Variants in IFT74 observed in about 807,000 individuals in gnomAD.
IFT74 encodes the protein intraflagellar transport 74, also known as intraflagellar transport protein 74 homolog.
In IFT74, 92 loss-of-function variants were observed where a neutral mutation model predicts 96.7. The ratio of observed to expected loss-of-function variants is 0.95; its 90% CI spans 0.80 to 1.13. IFT74 has a LOEUF of 1.13. Among genes scored for constraint, IFT74 ranks in the 50% most tolerant of loss-of-function variants. The probability of loss-of-function intolerance (pLI) is 0.00; values close to 1 mark genes in which losing one functional copy is unlikely to be tolerated. For synonymous variants in IFT74, 223 were observed against 213.2 expected (o/e 1.05, Z -0.40); for missense variants, 811 against 698.2 (o/e 1.16, Z -1.82).
intron 13 of IFT74, among the ~76,000 whole-genome samples, chr9:27,040,276 T>G (rs1819403837): frequency 6.6e-6 from 1 of 151,954 alleles, no homozygotes; most frequent in Non-Finnish European, 1.5e-5. Flanking sequence ...TGAGGCCAGG[T>G]GCAGTGGCTC....
intron 8 of IFT74, chr9:26,995,081 A>G (rs1828071584): frequency 6.6e-6 from 1 of 152,564 alleles, no homozygotes; most frequent in South Asian, 2.1e-4. Flanking sequence ...ATCTTAGTGT[A>G]TTATTTAAGC....
chr9:26,977,198 G>A (rs993681611), intron 2 of IFT74, among the ~76,000 whole-genome samples: 1 of 151,632 alleles, frequency 6.6e-6, no homozygotes, highest in South Asian at 2.1e-4. Flanking sequence ...GGCTGGCCTC[G>A]AACTCCTGGG....
chr9:26,985,080 T>A (rs1005222495), intron 6 of IFT74, among the ~76,000 whole-genome samples: 8 of 151,968 alleles, frequency 5.3e-5, no homozygotes, highest in African/African-American at 1.9e-4. Context: ...GGCAGATTGG[T>A]TAAAGAAAAT....
Position 27,022,797 on chromosome 9 carries a change from C to G in IFT74, c.974+4110C>G, listed in dbSNP as rs771237919. On this transcript the variant is annotated intron_variant, in intron 12 of 19. Coordinates refer to ENST00000380062, the MANE Select transcript of IFT74 (RefSeq NM_025103.4). ...AGCTGGGACTAAAGGCACGTGCCAC[C>G]ACACCGGCTACTTTTTTGTATTTTT... 1.1e-3 allele frequency among the ~76,000 whole-genome samples: 163 copies of G among 152,176 alleles called. 1 individual carries two copies. Among genetic ancestry groups the G allele is most frequent in the Non-Finnish European group, 5.7e-4 (39 of 68,006 alleles).
chr9:26,978,112 C>T lies in IFT74; in HGVS notation c.121-16C>T, dbSNP rs764762196. 6.4e-7 allele frequency: 1 copy of T among 1,553,860 alleles called. No homozygotes were observed. The highest frequency in any genetic ancestry group is 2.4e-5 in the East Asian group (1 of 42,014). On this transcript the variant is annotated splice_polypyrimidine_tract_variant and intron_variant, in intron 2 of 19. Coordinates refer to ENST00000380062, the MANE Select transcript of IFT74 (RefSeq NM_025103.4). ...TTTTCTGGTTTACTAAAAATGAAAT[C>T]TTGTTTGTCATTTAGATGCCACCTG... is the stretch of plus-strand genomic sequence containing the variant.
intron 2 of IFT74, among the ~76,000 whole-genome samples, chr9:26,973,769 T>C (rs1390801138): frequency 6.6e-6 from 1 of 152,194 alleles, no homozygotes; most frequent in Admixed American, 6.5e-5. Flanking sequence ...CAAGATTAGA[T>C]GGAGTGAGAC....
intron 19 of IFT74, among the ~76,000 whole-genome samples, chr9:27,061,854 A>G (rs1384675546): frequency 2.0e-5 from 3 of 152,124 alleles, no homozygotes; most frequent in African/African-American, 7.2e-5. Context: ...GTCTACAAAG[A>G]TGATACTTAT....
chr9:26,982,297 C>T (rs1827415961), intron 4 of IFT74: 3 of 368,340 alleles, frequency 8.1e-6, no homozygotes, highest in Middle Eastern at 5.7e-4. Flanking sequence ...CGGAGTTTTG[C>T]TTGTCACCCA....
intron 8 of IFT74, among the ~76,000 whole-genome samples, chr9:27,003,300 A>G (rs969515884): frequency 6.6e-6 from 1 of 152,128 alleles, no homozygotes; most frequent in South Asian, 2.1e-4. Context: ...AGGCGGGCAG[A>G]TCACCTGAGG....
chr9:27,027,375 A>G (rs1284241962), intron 12 of IFT74, among the ~76,000 whole-genome samples: 1 of 152,192 alleles, frequency 6.6e-6, no homozygotes, highest in Non-Finnish European at 1.5e-5. Flanking sequence ...GCTGAATTCT[A>G]TCAGACTTTC....
In IFT74 at chr9:27,029,827, A is replaced by C. The variant is rs1271794931; in HGVS notation, c.1054+723A>C. Among the ~76,000 whole-genome samples the C allele has an allele frequency of 9.8e-5, 15 of 152,354 alleles. No individual in the cohort carries two copies. The East Asian group carries it at 2.5e-3, about 25-fold the overall frequency. On this transcript the variant is annotated intron_variant, in intron 13 of 19. Transcript: ENST00000380062. ...GTAACTGGTAGCGTTAGAGGGGATG[A>C]AAATCAAATCACAAATACCACACAA...
chr9:26,952,496 C>T (rs1266488769), upstream of IFT74, among the ~76,000 whole-genome samples: 5 of 152,032 alleles, frequency 3.3e-5, no homozygotes, highest in African/African-American at 9.7e-5. Flanking sequence ...AGGCTGGTCT[C>T]GAACTCTTGA....
intron 11 of IFT74, 79 bp downstream of exon 11, chr9:27,017,129 A>C: frequency 1.7e-6 from 2 of 1,153,246 alleles, no homozygotes; most frequent in South Asian, 3.5e-5. Flanking sequence ...AAGGGATATT[A>C]ATGCAAGTAG....
Position 26,984,353 on chromosome 9 carries a change from G to A in IFT74, c.402G>A (p.Lys134=). 6.3e-7 allele frequency: 1 copy of A among 1,584,748 alleles called. No individual in the cohort carries two copies. The highest frequency in any genetic ancestry group is 8.6e-7 in the Non-Finnish European group (1 of 1,164,192). ...ATTCAGTATATTTGTCATATGAAAA[G>A]AGGTGAGTAATAAGTATTCAGTATT... is the stretch of plus-strand genomic sequence containing the variant. ...QENSVYLSYE[K]RAETLAVEIK... Residue 134 remains lysine (K), a splice_region_variant and synonymous_variant, in exon 5 of 20, where the codon AAG becomes AAA. Transcript: ENST00000380062.
At position 26,984,904 on chromosome 9, in the gene IFT74, T is replaced by A. The variant is rs1355878543; in HGVS notation, c.465+345T>A. 2.0e-5 allele frequency among the ~76,000 whole-genome samples: 3 copies of A among 152,254 alleles called. No individual in the cohort carries two copies. The East Asian group carries it at 5.8e-4, about 29-fold the overall frequency. On this transcript the variant is annotated intron_variant, in intron 6 of 19. Transcript: ENST00000380062. ...ACTGTGAAAGCAGTGTGGCGATTCCTCAAAAAGCTGAAAACAGAACTACCA... is the reference window on the plus strand; with the variant it reads ...ACTGTGAAAGCAGTGTGGCGATTCCACAAAAAGCTGAAAACAGAACTACCA...
intron 12 of IFT74, among the ~76,000 whole-genome samples, chr9:27,027,496 A>G (rs1350678570): frequency 1.3e-5 from 2 of 152,168 alleles, no homozygotes; most frequent in East Asian, 1.9e-4. Context: ...CTCTTTTTCT[A>G]TTATAGCCAT....
upstream of IFT74, among the ~76,000 whole-genome samples, chr9:26,951,674 A>G (rs1825940961): frequency 6.6e-6 from 1 of 152,222 alleles, no homozygotes; most frequent in Admixed American, 6.5e-5. Context: ...TGAGGCAGGT[A>G]GATTGCCTGA....
chr9:27,043,348 C>T (rs1019089397), intron 13 of IFT74, among the ~76,000 whole-genome samples: 3 of 152,210 alleles, frequency 2.0e-5, no homozygotes, highest in East Asian at 3.8e-4. Flanking sequence ...TGCTAATCCA[C>T]GTCTCTGACT....
chr9:27,028,168 A>G (rs554289168), intron 12 of IFT74, among the ~76,000 whole-genome samples: 1 of 152,284 alleles, frequency 6.6e-6, no homozygotes, highest in South Asian at 2.1e-4. Context: ...GTCTATCCCT[A>G]TGCCTATACT....
Sources: gnomAD v4.1 joint callset for allele counts (sites outside exome capture counted in the v4.1 genomes callset) on GRCh38, gnomAD v4.1.1 for gene constraint, MANE v1.5 for transcripts, NCBI Gene and HGNC (gene_info 2026-07-23, HGNC 2026-07-21) for gene names.